Variants in PTPN13 observed in about 807,000 individuals in gnomAD.
The protein encoded by PTPN13 is tyrosine-protein phosphatase non-receptor type 13.
In PTPN13, 191 loss-of-function variants were observed where a neutral mutation model predicts 284.0. The observed-to-expected ratio is 0.67, with a 90% confidence interval of 0.60 to 0.76. The LOEUF (loss-of-function observed/expected upper bound fraction) is 0.76. Among genes scored for constraint, PTPN13 ranks in the 30% least tolerant of loss-of-function variants. The pLI, the probability that PTPN13 is intolerant of heterozygous loss-of-function variation, is 0.00. For missense variants in PTPN13, 2,797 were observed against 2,939.9 expected, an observed-to-expected ratio of 0.95 and a Z score of 1.12; for synonymous variants, 986 against 1,022.3, an observed-to-expected ratio of 0.96 and a Z score of 0.68.
intron 1 of PTPN13, among the ~76,000 whole-genome samples, chr4:86,620,898 G>A (rs1721154297): frequency 1.3e-5 from 2 of 152,120 alleles, no homozygotes; most frequent in South Asian, 4.1e-4. Context: ...CCTCTTATTA[G>A]CCAAGTGTTT....
In PTPN13 at chr4:86,766,468, A is replaced by T; in HGVS notation, c.4280A>T (p.Glu1427Val). 1 of 1,610,502 alleles carries T rather than the reference A, an allele frequency of 6.2e-7. No homozygotes were observed. The highest frequency in any genetic ancestry group is 8.5e-7 in the Non-Finnish European group (1 of 1,179,038). The change falls in exon 27 of 48, where the codon GAA becomes GTA. Residue 1427 changes from glutamate to valine, a missense_variant. Physicochemically the swap from Glu to Val is moderately radical, Grantham distance 121 (BLOSUM62 -2). Coordinates refer to ENST00000411767, the MANE Select transcript of PTPN13 (RefSeq NM_080683.3). The part of the protein sequence containing the change: ...RVLAVNGVSL[E>V]GATHKQAVET... ...CTAGCTGTCAATGGAGTTAGTCTAGAAGGAGCCACCCATAAGCAAGCTGTG... is the reference window on the plus strand; with the variant it reads ...CTAGCTGTCAATGGAGTTAGTCTAGTAGGAGCCACCCATAAGCAAGCTGTG...
rs1346571590 is a variant in PTPN13 at position 86,638,039 on chromosome 4, C to T, written c.115+2668C>T. 5.9e-5 allele frequency among the ~76,000 whole-genome samples: 9 copies of T among 152,152 alleles called. No homozygotes were observed. The East Asian group carries it at 1.7e-3, about 29-fold the overall frequency. ...AGCATTCTTATACACCAATAACAGA[C>T]AAACAGAGAGCCAAATCATGAGTGA... On this transcript the variant is annotated intron_variant, in intron 2 of 47. Transcript: ENST00000411767.
At chr4:86,760,905 AGCT>A (rs549780908) in intron 23 of PTPN13, among the ~76,000 whole-genome samples, 61 of 151,982 alleles carry the variant, frequency 4.0e-4, no homozygotes, top group Non-Finnish European at 8.2e-4. Flanking sequence ...TGTGTATTCT[AGCT>A]ACCCCTGTTA....
chr4:86,717,081 A>G lies in PTPN13; in HGVS notation c.1349A>G (p.Asp450Gly). 6.2e-7 allele frequency: 1 copy of G among 1,613,154 alleles called. No individual in the cohort carries two copies. The highest frequency in any genetic ancestry group is 8.5e-7 in the Non-Finnish European group (1 of 1,179,570). ...FESSSGLPGV[D>G]ETLSQGQSQR... is the part of the protein sequence containing the mutation. ...TCCAGCAGTGGTCTCCCAGGGGTAG[A>G]TGAAACCTTAAGTCAAGGCCAGTCA... is the stretch of plus-strand genomic sequence containing the variant. Residue 450 changes from aspartate to glycine, a missense_variant, in exon 9 of 48, where the codon GAT becomes GGT. Physicochemically the swap from Asp to Gly is moderately conservative, Grantham distance 94 (BLOSUM62 -1). Coordinates refer to ENST00000411767, the MANE Select transcript of PTPN13 (RefSeq NM_080683.3).
At chr4:86,732,998 T>C (rs576455906) in intron 12 of PTPN13, among the ~76,000 whole-genome samples, 2 of 152,182 alleles carry the variant, frequency 1.3e-5, no homozygotes, top group Non-Finnish European at 2.9e-5. Flanking sequence ...TTTTTTGCTA[T>C]GGTTATATAA....
At chr4:86,677,222 G>A (rs1342277131) in intron 3 of PTPN13, among the ~76,000 whole-genome samples, 18 of 151,714 alleles carry the variant, frequency 1.2e-4, no homozygotes, top group Non-Finnish European at 1.5e-4. Context: ...AGCGGAGATC[G>A]CGCCACTGCA....
chr4:86,732,383 G>A lies in PTPN13; in HGVS notation c.1609-17G>A. On this transcript the variant is annotated splice_polypyrimidine_tract_variant and intron_variant, in intron 10 of 47. Coordinates refer to ENST00000411767, the MANE Select transcript of PTPN13 (RefSeq NM_080683.3). ...ATAAATAGTAAAAAATATTGATTCTGCTTATGTGATTTGCAGAATTTCTTT... is the reference window on the plus strand; with the variant it reads ...ATAAATAGTAAAAAATATTGATTCTACTTATGTGATTTGCAGAATTTCTTT... The A allele has an allele frequency of 6.5e-7, 1 of 1,550,148 alleles. No individual in the cohort carries two copies. Among genetic ancestry groups the A allele is most frequent in the Non-Finnish European group, 8.8e-7 (1 of 1,141,208 alleles).
chr4:86,666,284 G>C lies in PTPN13; in HGVS notation c.116-6081G>C, dbSNP rs76411015. Among the ~76,000 whole-genome samples the C allele has an allele frequency of 5.2e-3, 751 of 145,610 alleles. 11 individuals carry two copies. Among genetic ancestry groups the C allele is most frequent in the African/African-American group, 0.018 (704 of 39,018 alleles). On this transcript the variant is annotated intron_variant, in intron 2 of 47. Transcript: ENST00000411767. ...ATATTGAAGCAGCGTCATTGTCTGG[G>C]GTAAATACCCGAGGTTCGTAGACTT...
At chr4:86,637,483 G>A (rs1363474418) in intron 2 of PTPN13, among the ~76,000 whole-genome samples, 1 of 151,598 alleles carries the variant, frequency 6.6e-6, no homozygotes, top group East Asian at 1.9e-4. Context: ...TATCCACCAT[G>A]ATCAAGTGGG....
intron 1 of PTPN13, among the ~76,000 whole-genome samples, chr4:86,612,638 T>C (rs958630510): frequency 6.6e-6 from 1 of 152,116 alleles, no homozygotes; most frequent in Non-Finnish European, 1.5e-5. Flanking sequence ...ATATTCAAAC[T>C]GTTCAACACC....
At chr4:86,636,682 G>A (rs1040758712) in intron 2 of PTPN13, among the ~76,000 whole-genome samples, 1 of 152,026 alleles carries the variant, frequency 6.6e-6, no homozygotes, top group Admixed American at 6.6e-5. Flanking sequence ...AAAGCAGTGT[G>A]TAGAGGGAAA....
chr4:86,661,769 A>T (rs935844021), intron 2 of PTPN13, among the ~76,000 whole-genome samples: 10 of 152,184 alleles, frequency 6.6e-5, no homozygotes, highest in Non-Finnish European at 7.3e-5. Context: ...CTTTTCATCC[A>T]ATTCTCCAAA....
At chr4:86,645,131 A>G (rs1724264342) in intron 2 of PTPN13, among the ~76,000 whole-genome samples, 1 of 152,162 alleles carries the variant, frequency 6.6e-6, no homozygotes, top group Admixed American at 6.5e-5. Context: ...AGGAGGTTGC[A>G]GTGAGCCAAG....
chr4:86,776,860 G>A (rs1467204497), intron 35 of PTPN13, among the ~76,000 whole-genome samples: 1 of 152,126 alleles, frequency 6.6e-6, no homozygotes, highest in African/African-American at 2.4e-5. Context: ...CCAAATGCAT[G>A]TCACTTTTAC....
chr4:86,616,525 G>A (rs905128694), intron 1 of PTPN13, among the ~76,000 whole-genome samples: 9 of 133,042 alleles, frequency 6.8e-5, no homozygotes, highest in Non-Finnish European at 1.3e-4. Flanking sequence ...TGGTTGGGAG[G>A]TATTTAGATC....
intron 42 of PTPN13, among the ~76,000 whole-genome samples, chr4:86,800,657 A>AAGAG (rs1743912601): frequency 6.6e-6 from 1 of 150,852 alleles, no homozygotes; most frequent in Non-Finnish European, 1.5e-5. Context: ...GTCAGAAAGA[A>AAGAG]AGAAAGAGAG....
chr4:86,664,398 A>C (rs559308906), intron 2 of PTPN13, among the ~76,000 whole-genome samples: 11 of 152,226 alleles, frequency 7.2e-5, no homozygotes, highest in African/African-American at 2.6e-4. Context: ...GGAACTTCAA[A>C]ATTTTTGTGT....
chr4:86,634,685 G>A (rs1406751309), intron 1 of PTPN13, among the ~76,000 whole-genome samples: 1 of 152,152 alleles, frequency 6.6e-6, no homozygotes, highest in East Asian at 1.9e-4. Flanking sequence ...GGAAAATGGT[G>A]AGTTGCCAAC....
Position 86,745,030 on chromosome 4 carries a change from G to A in PTPN13, c.2552G>A (p.Ser851Asn). 6.2e-7 allele frequency: 1 copy of A among 1,607,202 alleles called. No individual in the cohort carries two copies. The highest frequency in any genetic ancestry group is 2.2e-5 in the East Asian group (1 of 44,720). ...GIKHGFQTDN[S>N]KICQYLLHLC... Reference sequence around the variant, plus strand: ...AAACATGGCTTCCAGACAGACAACAGTAAGATATGCCAGTACCTGCTGCAC... The same window carrying A: ...AAACATGGCTTCCAGACAGACAACAATAAGATATGCCAGTACCTGCTGCAC... The change falls in exon 17 of 48, where the codon AGT becomes AAT. Residue 851 changes from serine to asparagine, a missense_variant. Transcript: ENST00000411767.
Sources: allele counts gnomAD v4.1 joint callset (sites outside exome capture counted in the v4.1 genomes callset), GRCh38; gene constraint gnomAD v4.1.1; transcripts MANE v1.5; gene names NCBI Gene and HGNC (gene_info 2026-07-23, HGNC 2026-07-21).